The following LYPLAL1 variants were observed in gnomAD, a reference collection of about 807,000 sequenced individuals.
LYPLAL1 encodes lysophospholipase like 1.
In LYPLAL1, 23 loss-of-function variants were observed where a neutral mutation model predicts 19.7. The ratio of observed to expected loss-of-function variants is 1.17; its 90% CI spans 0.84 to 1.65. LYPLAL1 has a LOEUF of 1.65. Ranked by LOEUF, LYPLAL1 falls within the 40% of genes most tolerant of loss-of-function variation. The pLI is 0.00. For synonymous variants in LYPLAL1, 119 were observed against 96.3 expected (o/e 1.24, Z -1.38); for missense variants, 355 against 279.4 (o/e 1.27, Z -1.93).
At chr1:219,395,921 G>C in the LYPLAL1 span, among the ~76,000 whole-genome samples, 2 of 152,012 alleles carry the variant, frequency 1.3e-5, no homozygotes, top group East Asian at 3.9e-4. Context: ...GGCTAACACA[G>C]TGGAACCCCG....
the LYPLAL1 span, among the ~76,000 whole-genome samples, chr1:219,399,375 G>A: frequency 2.0e-5 from 3 of 152,198 alleles, no homozygotes; most frequent in Non-Finnish European, 2.9e-5. Context: ...GCACTGGTGG[G>A]GGTGTGGCTC....
chr1:219,292,030 C>G, the LYPLAL1 span, among the ~76,000 whole-genome samples: 1 of 152,192 alleles, frequency 6.6e-6, no homozygotes, highest in Non-Finnish European at 1.5e-5. Flanking sequence ...TCTTCAAAAG[C>G]AGGCACCTGG....
chr1:219,209,335 T>A (rs1344428195), intron 3 of LYPLAL1, among the ~76,000 whole-genome samples: 1 of 152,100 alleles, frequency 6.6e-6, no homozygotes, highest in African/African-American at 2.4e-5. Flanking sequence ...ACCTGCCTAT[T>A]CCAGATAAAG....
At chr1:219,375,303 C>T in the LYPLAL1 span, among the ~76,000 whole-genome samples, 15 of 151,942 alleles carry the variant, frequency 9.9e-5, no homozygotes, top group Non-Finnish European at 2.1e-4. Context: ...CCCGTCTCTA[C>T]TAAAAATACA....
the LYPLAL1 span, among the ~76,000 whole-genome samples, chr1:219,406,783 G>GA: frequency 7.9e-5 from 12 of 151,740 alleles, no homozygotes; most frequent in African/African-American, 2.2e-4. Context: ...ATCATAAATA[G>GA]AAAAAAAAAC....
At chr1:219,196,311 T>G (rs951911337) in intron 3 of LYPLAL1, among the ~76,000 whole-genome samples, 2 of 152,172 alleles carry the variant, frequency 1.3e-5, no homozygotes, top group Non-Finnish European at 2.9e-5. Context: ...AAAGTGTTCC[T>G]GTTTCTCCAC....
chr1:219,380,083 T>C, the LYPLAL1 span, among the ~76,000 whole-genome samples: 2 of 152,240 alleles, frequency 1.3e-5, no homozygotes, highest in Non-Finnish European at 2.9e-5. Flanking sequence ...ACTTCATCCT[T>C]ACAGAAACTC....
chr1:219,245,967 C>G, the LYPLAL1 span, among the ~76,000 whole-genome samples: 1 of 152,146 alleles, frequency 6.6e-6, no homozygotes, highest in Admixed American at 6.5e-5. Flanking sequence ...GGAATATCCT[C>G]TGTGTGTCGG....
chr1:219,280,276 A>G, the LYPLAL1 span, among the ~76,000 whole-genome samples: 1 of 152,336 alleles, frequency 6.6e-6, no homozygotes, highest in Admixed American at 6.5e-5. Context: ...TACGTATTAT[A>G]TAAAGTTTTT....
At chr1:219,292,257 C>T in the LYPLAL1 span, among the ~76,000 whole-genome samples, 55 of 152,188 alleles carry the variant, frequency 3.6e-4, no homozygotes, top group African/African-American at 1.3e-3. Flanking sequence ...CAATGGGACT[C>T]GAATTTGGTT....
the LYPLAL1 span, among the ~76,000 whole-genome samples, chr1:219,437,555 C>T: frequency 0.034 from 5,148 of 152,018 alleles, 123 homozygotes; most frequent in Non-Finnish European, 0.052. Flanking sequence ...GGAGGGATCT[C>T]ACATAGATCT....
At chr1:219,364,946 T>C in the LYPLAL1 span, among the ~76,000 whole-genome samples, 1 of 152,188 alleles carries the variant, frequency 6.6e-6, no homozygotes, top group East Asian at 1.9e-4. Flanking sequence ...TGTGTTTCTT[T>C]ATTCGGAAGT....
At chr1:219,378,409 G>A in the LYPLAL1 span, among the ~76,000 whole-genome samples, 1 of 152,094 alleles carries the variant, frequency 6.6e-6, no homozygotes, top group African/African-American at 2.4e-5. Context: ...ACCATCATGA[G>A]AACACCATAA....
At chr1:219,273,617 A>G in the LYPLAL1 span, among the ~76,000 whole-genome samples, 1 of 152,212 alleles carries the variant, frequency 6.6e-6, no homozygotes, top group Admixed American at 6.5e-5. Context: ...CTTTGGGCTC[A>G]TGATATGCTG....
At chr1:219,394,409 C>T in the LYPLAL1 span, among the ~76,000 whole-genome samples, 6 of 152,104 alleles carry the variant, frequency 3.9e-5, no homozygotes, top group South Asian at 4.2e-4. Flanking sequence ...ATGGTTATGC[C>T]GCTATCACCA....
chr1:219,200,013 T>G, intron 3 of LYPLAL1: 1 of 232,888 alleles, frequency 4.3e-6, no homozygotes, highest in Non-Finnish European at 9.1e-6. Context: ...CTTTGTTCAC[T>G]CAGTGAGCCC....
At chr1:219,226,591 GA>G in the LYPLAL1 span, among the ~76,000 whole-genome samples, 37,107 of 142,408 alleles carry the variant, frequency 0.26, 4,682 homozygotes, top group Non-Finnish European at 0.3. Flanking sequence ...ATAACACATA[GA>G]AAAAAAAAAA....
chr1:219,328,328 C>T, the LYPLAL1 span, among the ~76,000 whole-genome samples: 314 of 152,264 alleles, frequency 2.1e-3, 1 homozygote, highest in African/African-American at 6.8e-3. Context: ...TTGCAGTTAC[C>T]ATGCCTTCCT....
chr1:219,229,562 T>C, the LYPLAL1 span, among the ~76,000 whole-genome samples: 4 of 152,230 alleles, frequency 2.6e-5, no homozygotes, highest in Non-Finnish European at 5.9e-5. Flanking sequence ...GAAATCTCTC[T>C]GTCCTAGCGA....
Sources: gnomAD v4.1 joint callset for allele counts (sites outside exome capture counted in the v4.1 genomes callset) on GRCh38, gnomAD v4.1.1 for gene constraint, MANE v1.5 for transcripts, NCBI Gene and HGNC (gene_info 2026-07-23, HGNC 2026-07-21) for gene names.